PIP5K1B: variants seen among roughly 807,000 people sequenced by gnomAD.
The protein encoded by PIP5K1B is phosphatidylinositol 4-phosphate 5-kinase type-1 beta.
A neutral mutation model predicts 67.0 loss-of-function variants in PIP5K1B; 42 were observed. The ratio of observed to expected loss-of-function variants is 0.63; its 90% CI spans 0.49 to 0.81. PIP5K1B has a LOEUF of 0.81. PIP5K1B is among the 30% of genes least tolerant of loss of function. The probability of loss-of-function intolerance (pLI) is 0.00; values close to 1 mark genes in which losing one functional copy is unlikely to be tolerated. For synonymous variants in PIP5K1B, 214 were observed against 231.4 expected, an observed-to-expected ratio of 0.92 and a Z score of 0.68; for missense variants, 459 against 646.3, an observed-to-expected ratio of 0.71 and a Z score of 3.14.
intron 14 of PIP5K1B, among the ~76,000 whole-genome samples, chr9:68,989,218 A>T (rs1328508677): frequency 6.6e-6 from 1 of 152,034 alleles, no homozygotes; most frequent in Non-Finnish European, 1.5e-5. Context: ...ATATGTACAA[A>T]GACAGGATTA....
Position 68,895,467 on chromosome 9 carries a change from A to G in PIP5K1B, c.771+829A>G, listed in dbSNP as rs1271626087. Among the ~76,000 whole-genome samples the G allele has an allele frequency of 3.3e-5, 5 of 152,106 alleles. No individual in the cohort carries two copies. The East Asian group carries it at 7.7e-4, about 23-fold the overall frequency. On this transcript the variant is annotated intron_variant, in intron 8 of 15. Coordinates refer to ENST00000265382, the MANE Select transcript of PIP5K1B (RefSeq NM_003558.4). ...GATGGCACAGGCTGTGGTTTTCTGCACTTTCCATGGGCCTGGACGGATGAC... is the reference window on the plus strand; with the variant it reads ...GATGGCACAGGCTGTGGTTTTCTGCGCTTTCCATGGGCCTGGACGGATGAC...
intron 2 of PIP5K1B, among the ~76,000 whole-genome samples, chr9:68,817,859 T>C (rs1833531708): frequency 6.6e-6 from 1 of 152,062 alleles, no homozygotes; most frequent in African/African-American, 2.4e-5. Flanking sequence ...CCTAGCCTAA[T>C]TCCTTTTTAC....
At chr9:68,788,786 C>T (rs915748165) in intron 2 of PIP5K1B, 7 of 255,416 alleles carry the variant, frequency 2.7e-5, no homozygotes, top group Admixed American at 2.5e-4. Context: ...TGGGTCCCAC[C>T]ATTATTCCAA....
chr9:68,880,410 C>G (rs970478019), intron 6 of PIP5K1B, among the ~76,000 whole-genome samples: 1 of 152,062 alleles, frequency 6.6e-6, no homozygotes, highest in Non-Finnish European at 1.5e-5. Context: ...AAAACGTTAG[C>G]TGGGCACGGT....
chr9:68,911,491 C>G (rs956192147), intron 8 of PIP5K1B, among the ~76,000 whole-genome samples: 1 of 151,888 alleles, frequency 6.6e-6, no homozygotes, highest in East Asian at 1.9e-4. Context: ...GGAAAAGTAG[C>G]CATGAAGTAT....
chr9:68,793,129 A>ATGTGTATACACATATAGTGT (rs6151015), intron 2 of PIP5K1B, among the ~76,000 whole-genome samples: 17 of 152,094 alleles, frequency 1.1e-4, no homozygotes, highest in South Asian at 6.2e-4. Flanking sequence ...CATATAGTGT[A>ATGTGTATACACATATAGTGT]AGGAACAGGA....
In PIP5K1B at chr9:68,880,556, AACACACAC is replaced by A. The variant is rs35017818; in HGVS notation, c.318+3787_318+3794del. Among the ~76,000 whole-genome samples the A allele has an allele frequency of 1.7e-3, 201 of 118,688 alleles. 1 individual carries two copies. The East Asian group carries it at 0.029, about 17-fold the overall frequency. The allele number at this position is 118,688 out of a possible 152,430, so 77.9% of individuals were successfully genotyped here. On this transcript the variant is annotated intron_variant, in intron 6 of 15. Coordinates refer to ENST00000265382, the MANE Select transcript of PIP5K1B (RefSeq NM_003558.4). ...GGCGGCAGAGCAAGACTGCATCTGA[AACACACAC>A]ACACACACACACACACACACACACG... is the stretch of plus-strand genomic sequence containing the variant.
In PIP5K1B at chr9:68,705,533, G is replaced by T; in HGVS notation, c.-472G>T. On this transcript the variant is annotated 5_prime_UTR_variant, in exon 1 of 16. Coordinates refer to ENST00000265382, the MANE Select transcript of PIP5K1B (RefSeq NM_003558.4). ...GCGCGCCCCCGCCAAGGCGCGTCCG[G>T]AGCGAGTTTGGCCCCGCGGCTCCAG... is the stretch of plus-strand genomic sequence containing the variant. The T allele has an allele frequency of 1.3e-5, 2 of 152,020 alleles. No homozygotes were observed. Among genetic ancestry groups the T allele is most frequent in the South Asian group, 3.6e-4 (2 of 5,580 alleles). The allele number at this position is 152,020 out of a possible 1,614,324, so 9.4% of individuals were successfully genotyped here. A position where few individuals can be genotyped will look rare whatever the true frequency, so the allele number is the denominator to read the frequency against.
At chr9:68,950,307 C>A (rs1827996208) in intron 14 of PIP5K1B, among the ~76,000 whole-genome samples, 1 of 152,190 alleles carries the variant, frequency 6.6e-6, no homozygotes, top group Non-Finnish European at 1.5e-5. Flanking sequence ...CCTTGAGAGT[C>A]CCCCTCTCCA....
intron 2 of PIP5K1B, among the ~76,000 whole-genome samples, chr9:68,751,212 C>T (rs1410782637): frequency 6.6e-6 from 1 of 152,154 alleles, no homozygotes; most frequent in Non-Finnish European, 1.5e-5. Flanking sequence ...ATAGAAAGCA[C>T]GTAGACCTGT....
intron 15 of PIP5K1B, among the ~76,000 whole-genome samples, chr9:69,007,812 T>G (rs1478142668): frequency 1.3e-5 from 2 of 151,700 alleles, no homozygotes; most frequent in South Asian, 2.1e-4. Flanking sequence ...AGCTGAGATC[T>G]TGCCACTGCA....
chr9:68,826,275 C>T (rs1564165026), intron 4 of PIP5K1B, among the ~76,000 whole-genome samples: 1 of 152,114 alleles, frequency 6.6e-6, no homozygotes. Context: ...TGGGGCCAGG[C>T]AGCAAAGAAG....
At chr9:68,855,909 T>C (rs76849783) in intron 4 of PIP5K1B, among the ~76,000 whole-genome samples, 162 of 152,342 alleles carry the variant, frequency 1.1e-3, no homozygotes, top group African/African-American at 3.8e-3. Flanking sequence ...GTATTAATTT[T>C]CTATTGCTTC....
chr9:68,889,610 C>T (rs940337434), intron 7 of PIP5K1B, among the ~76,000 whole-genome samples: 1 of 151,956 alleles, frequency 6.6e-6, no homozygotes, highest in Non-Finnish European at 1.5e-5. Context: ...TGGTGGGCGC[C>T]TGTAGTCCTA....
intron 15 of PIP5K1B, among the ~76,000 whole-genome samples, chr9:68,991,602 C>T (rs1830367395): frequency 6.6e-6 from 1 of 152,206 alleles, no homozygotes; most frequent in South Asian, 2.1e-4. Flanking sequence ...TGTGTGTTGG[C>T]GTTGCTCCCT....
intron 8 of PIP5K1B, among the ~76,000 whole-genome samples, chr9:68,908,719 AG>A (rs1173134049): frequency 6.6e-6 from 1 of 152,192 alleles, no homozygotes; most frequent in East Asian, 1.9e-4. Context: ...CTGTATTCTG[AG>A]GGGTCTACTT....
chr9:68,881,756 A>G (rs970434880), intron 6 of PIP5K1B, among the ~76,000 whole-genome samples: 1 of 152,190 alleles, frequency 6.6e-6, no homozygotes, highest in African/African-American at 2.4e-5. Context: ...CTTCTTCCTT[A>G]TTCCTAGACA....
At chr9:68,878,964 A>C (rs773856866) in intron 6 of PIP5K1B, among the ~76,000 whole-genome samples, 1 of 152,190 alleles carries the variant, frequency 6.6e-6, no homozygotes, top group African/African-American at 2.4e-5. Context: ...TCGAAAGGAC[A>C]TTTAGTGGAC....
chr9:68,977,635 A>G (rs567796029), intron 14 of PIP5K1B, among the ~76,000 whole-genome samples: 200 of 151,012 alleles, frequency 1.3e-3, no homozygotes, highest in African/African-American at 4.7e-3. Context: ...TATATTTCAT[A>G]ATCATATAAT....
Sources: gnomAD v4.1 joint callset for allele counts (sites outside exome capture counted in the v4.1 genomes callset) on GRCh38, gnomAD v4.1.1 for gene constraint, MANE v1.5 for transcripts, NCBI Gene and HGNC (gene_info 2026-07-23, HGNC 2026-07-21) for gene names.